CNTNAP5: variants seen among roughly 807,000 people sequenced by gnomAD.
CNTNAP5 encodes contactin associated protein family member 5.
Under a neutral mutation model 150.2 loss-of-function variants are expected in CNTNAP5, and 72 were observed. The ratio of observed to expected loss-of-function variants is 0.48; its 90% confidence interval spans 0.40 to 0.58. The LOEUF is 0.58. CNTNAP5 is among the 20% of genes least tolerant of loss of function. The pLI is 0.00. For missense variants in CNTNAP5, 1,636 were observed against 1,626.2 expected (o/e 1.01, Z -0.10); for synonymous variants, 672 against 619.8 (o/e 1.08, Z -1.25).
chr2:124,295,023 T>C (rs573527288), intron 3 of CNTNAP5, among the ~76,000 whole-genome samples: 76 of 152,104 alleles, frequency 5.0e-4, no homozygotes, highest in Non-Finnish European at 8.1e-4. Flanking sequence ...TGGGAATTGC[T>C]TGAACCTGGG....
At chr2:124,230,347 A>G (rs1686583699) in intron 2 of CNTNAP5, among the ~76,000 whole-genome samples, 1 of 152,110 alleles carries the variant, frequency 6.6e-6, no homozygotes, top group African/African-American at 2.4e-5. Context: ...TTTCCAGATT[A>G]CAAGGGAAAA....
Position 124,359,752 on chromosome 2 carries a change from G to T in CNTNAP5, c.382-57691G>T, listed in dbSNP as rs1385764803. ...ATGTGGTCAATTTTGGAATAGGTGT[G>T]GTGTGGTGCTGAAAAAAATGTATAT... On this transcript the variant is annotated intron_variant, in intron 3 of 23. Coordinates refer to ENST00000682447, the MANE Select transcript of CNTNAP5 (RefSeq NM_001367498.1). Among the ~76,000 whole-genome samples the T allele has an allele frequency of 1.8e-3, 150 of 81,532 alleles. 1 individual carries two copies. The highest frequency in any genetic ancestry group is 7.3e-3 in the African/African-American group (140 of 19,080). 53.5% of individuals were successfully genotyped at this position (81,532 alleles called of 152,430 possible). A position where few individuals can be genotyped will look rare whatever the true frequency, so the allele number is the denominator to read the frequency against.
chr2:124,068,235 C>A (rs929996210), intron 1 of CNTNAP5, among the ~76,000 whole-genome samples: 2 of 152,144 alleles, frequency 1.3e-5, no homozygotes, highest in Non-Finnish European at 2.9e-5. Context: ...CCCCTTTCTA[C>A]CCCCTGGCAG....
intron 3 of CNTNAP5, among the ~76,000 whole-genome samples, chr2:124,268,364 T>A (rs999647117): frequency 6.6e-6 from 1 of 152,162 alleles, no homozygotes; most frequent in African/African-American, 2.4e-5. Context: ...ATATTATAAA[T>A]TTAAATTCAA....
At chr2:124,468,514 G>A (rs2104827812) in intron 6 of CNTNAP5, among the ~76,000 whole-genome samples, 1 of 152,096 alleles carries the variant, frequency 6.6e-6, no homozygotes, top group Admixed American at 6.5e-5. Flanking sequence ...TTGACTAGAT[G>A]GGGCCCACCC....
chr2:124,070,879 A>C (rs1682287432), intron 1 of CNTNAP5, among the ~76,000 whole-genome samples: 1 of 151,996 alleles, frequency 6.6e-6, no homozygotes, highest in African/African-American at 2.4e-5. Context: ...CATTTCATCC[A>C]ATACCTCCAG....
chr2:124,451,406 G>T (rs143513987), intron 6 of CNTNAP5, among the ~76,000 whole-genome samples: 1 of 151,978 alleles, frequency 6.6e-6, no homozygotes, highest in Admixed American at 6.6e-5. Context: ...TTGGAACTAA[G>T]ATATATAAAA....
chr2:124,745,890 C>T (rs551218287), intron 13 of CNTNAP5, among the ~76,000 whole-genome samples: 1 of 152,312 alleles, frequency 6.6e-6, no homozygotes, highest in East Asian at 1.9e-4. Context: ...CTGGTCTCTT[C>T]CTACTTACCT....
At position 124,510,518 on chromosome 2, in the gene CNTNAP5, T is replaced by TATACACACAC. The variant is rs10641959; in HGVS notation, c.1327+5963_1327+5964insTACACACACA. ...ATATATATATATATATATATATATA[T>TATACACACAC]ACATATATCTCCATATATCAACACA... On this transcript the variant is annotated intron_variant, in intron 8 of 23. Coordinates refer to ENST00000682447, the MANE Select transcript of CNTNAP5 (RefSeq NM_001367498.1). Among the ~76,000 whole-genome samples, 188 of 124,864 alleles carry TATACACACAC rather than the reference T, an allele frequency of 1.5e-3. 3 individuals are homozygous for TATACACACAC. Among genetic ancestry groups the TATACACACAC allele is most frequent in the African/African-American group, 5.4e-3 (168 of 31,344 alleles). 81.9% of individuals were successfully genotyped at this position (124,864 alleles called of 152,430 possible).
intron 1 of CNTNAP5, among the ~76,000 whole-genome samples, chr2:124,093,689 A>T (rs1003030223): frequency 3.9e-5 from 6 of 152,230 alleles, no homozygotes; most frequent in African/African-American, 1.4e-4. Flanking sequence ...TCGACCTTGA[A>T]CTTATTTGTT....
intron 3 of CNTNAP5, 105 bp downstream of exon 3, chr2:124,242,498 A>G: frequency 2.1e-5 from 22 of 1,072,738 alleles, no homozygotes; most frequent in Non-Finnish European, 2.8e-5. Context: ...TAGTTTAATA[A>G]CTGGTGAGTG....
chr2:124,579,652 G>A (rs1308647443), intron 11 of CNTNAP5, among the ~76,000 whole-genome samples: 1 of 152,188 alleles, frequency 6.6e-6, no homozygotes, highest in Non-Finnish European at 1.5e-5. Context: ...ATGTTTGCAT[G>A]CAGCCTTCTC....
chr2:124,258,022 G>T (rs1349138160), intron 3 of CNTNAP5, among the ~76,000 whole-genome samples: 1 of 152,100 alleles, frequency 6.6e-6, no homozygotes, highest in Admixed American at 6.5e-5. Context: ...CATTAAATCT[G>T]TCCTCATATA....
At chr2:124,168,848 A>G (rs1412439566) in intron 1 of CNTNAP5, among the ~76,000 whole-genome samples, 1 of 152,162 alleles carries the variant, frequency 6.6e-6, no homozygotes, top group Non-Finnish European at 1.5e-5. Flanking sequence ...ATTAATACAT[A>G]CTGTCAATTG....
chr2:124,836,457 A>C (rs1301772072), intron 19 of CNTNAP5, among the ~76,000 whole-genome samples: 1 of 152,124 alleles, frequency 6.6e-6, no homozygotes, highest in Non-Finnish European at 1.5e-5. Context: ...TAGACTGTTT[A>C]TAGAGGGAGG....
rs1407895490 is a variant in CNTNAP5 at position 124,865,431 on chromosome 2, A to G, written c.3343A>G (p.Ile1115Val). 4 of 1,551,458 alleles carry G rather than the reference A, an allele frequency of 2.6e-6. No homozygotes were observed. Among genetic ancestry groups the G allele is most frequent in the Non-Finnish European group, 2.6e-6 (3 of 1,146,804 alleles). The change falls in exon 20 of 24, where the codon ATT (isoleucine) becomes GTT (valine). Residue 1115 changes from isoleucine (I) to valine (V), a missense_variant. Transcript: ENST00000682447. Reference protein sequence around the residue: ...KINREGRELTIQMDQQLRLSY... With the variant: ...KINREGRELTVQMDQQLRLSY... The stretch of plus-strand genomic sequence containing the variant: ...TAACCGAGAGGGAAGAGAGCTTACC[A>G]TTCAGGTACCTTCCTTACTTTCTCC...
At chr2:124,032,548 A>T (rs187562075) in intron 1 of CNTNAP5, among the ~76,000 whole-genome samples, 1 of 152,268 alleles carries the variant, frequency 6.6e-6, no homozygotes, top group Non-Finnish European at 1.5e-5. Flanking sequence ...AGAAGGATAG[A>T]TATATCTGAA....
chr2:124,288,347 C>G (rs1230374705), intron 3 of CNTNAP5, among the ~76,000 whole-genome samples: 1 of 152,196 alleles, frequency 6.6e-6, no homozygotes, highest in African/African-American at 2.4e-5. Context: ...TATACTCTCA[C>G]TGTAAATCAA....
intron 19 of CNTNAP5, among the ~76,000 whole-genome samples, chr2:124,848,359 T>A (rs76368276): frequency 6.6e-6 from 1 of 152,208 alleles, no homozygotes; most frequent in East Asian, 1.9e-4. Context: ...GTATTTTTAT[T>A]ATTTCCTGTG....
Sources: allele counts gnomAD v4.1 joint callset (sites outside exome capture counted in the v4.1 genomes callset), GRCh38; gene constraint gnomAD v4.1.1; transcripts MANE v1.5; gene names NCBI Gene and HGNC (gene_info 2026-07-23, HGNC 2026-07-21).